Variants in OPA1 observed in about 807,000 individuals in gnomAD.
The protein encoded by OPA1 is dynamin-like GTPase OPA1, mitochondrial.
Under a neutral mutation model 152.9 loss-of-function variants are expected in OPA1, and 59 were observed. The observed-to-expected ratio is 0.39, with a 90% CI of 0.31 to 0.48. The LOEUF is 0.48. Among genes scored for constraint, OPA1 ranks in the 20% least tolerant of loss-of-function variants. The probability of loss-of-function intolerance (pLI) is 0.96; values close to 1 mark genes in which losing one functional copy is unlikely to be tolerated. For synonymous variants in OPA1, 400 were observed against 389.9 expected (o/e 1.03, Z -0.31); for missense variants, 1,008 against 1,216.8 (o/e 0.83, Z 2.55).
At chr3:193,620,618 C>A (rs951042145) in intron 6 of OPA1, among the ~76,000 whole-genome samples, 1 of 112,556 alleles carries the variant, frequency 8.9e-6, no homozygotes, top group Admixed American at 8.3e-5. Context: ...TAAAGACTTA[C>A]CAATTTTTTT....
chr3:193,675,813 T>C (rs910977045), intron 29 of OPA1, among the ~76,000 whole-genome samples: 1 of 152,248 alleles, frequency 6.6e-6, no homozygotes, highest in Non-Finnish European at 1.5e-5. Flanking sequence ...TTACATATTG[T>C]ACTGTACACA....
intron 1 of OPA1, among the ~76,000 whole-genome samples, chr3:193,598,854 G>A (rs1726017394): frequency 1.3e-5 from 2 of 152,224 alleles, no homozygotes; most frequent in Admixed American, 1.3e-4. Context: ...TGGAACCAGA[G>A]TTCTTCTGAC....
chr3:193,631,558 G>C, intron 7 of OPA1, 54 bp from the exon 8 acceptor site: 1 of 1,340,590 alleles, frequency 7.5e-7, no homozygotes, highest in Non-Finnish European at 1.1e-6. Flanking sequence ...TTAACTTGCT[G>C]TACATTCTGT....
At chr3:193,619,214 A>G (rs1412962464) in intron 6 of OPA1, among the ~76,000 whole-genome samples, 1 of 152,138 alleles carries the variant, frequency 6.6e-6, no homozygotes, top group African/African-American at 2.4e-5. Flanking sequence ...GTGGGGGGAG[A>G]AAGGCTCGTT....
chr3:193,686,359 C>CCTT (rs35361811), intron 29 of OPA1, among the ~76,000 whole-genome samples: 65,453 of 151,692 alleles, frequency 0.43, 14,331 homozygotes, highest in Non-Finnish European at 0.43. Context: ...ATTGATGCCT[C>CCTT]CTTCTGTAAC....
chr3:193,593,894 G>C (rs1436253075), intron 1 of OPA1, among the ~76,000 whole-genome samples: 1 of 151,994 alleles, frequency 6.6e-6, no homozygotes, highest in Non-Finnish European at 1.5e-5. Context: ...ATCGGGGAAA[G>C]GGGCGTCCGT....
At chr3:193,667,479 G>T (rs774697077) in intron 29 of OPA1, 199 bp downstream of exon 29, 6 of 604,362 alleles carry the variant, frequency 9.9e-6, no homozygotes, top group Admixed American at 2.2e-5. Context: ...GACCATCCTG[G>T]CTAACACAGT....
intron 6 of OPA1, chr3:193,624,268 C>T (rs1730662965): frequency 1.3e-5 from 2 of 152,184 alleles, no homozygotes; most frequent in South Asian, 2.1e-4. Flanking sequence ...CTACTCTTTG[C>T]CCCCTTCTCA....
chr3:193,634,799 C>CA (rs1732691784), intron 8 of OPA1, among the ~76,000 whole-genome samples: 1 of 152,174 alleles, frequency 6.6e-6, no homozygotes, highest in Admixed American at 6.5e-5. Context: ...GCCCTCTATT[C>CA]AAAACCCTGC....
chr3:193,687,091 C>G (rs1429339947), intron 29 of OPA1, among the ~76,000 whole-genome samples: 2 of 152,046 alleles, frequency 1.3e-5, no homozygotes, highest in Non-Finnish European at 2.9e-5. Context: ...ACAGATTAGT[C>G]TATATTTGAG....
At chr3:193,619,935 T>C (rs1729739587) in intron 6 of OPA1, among the ~76,000 whole-genome samples, 1 of 152,196 alleles carries the variant, frequency 6.6e-6, no homozygotes, top group African/African-American at 2.4e-5. Context: ...TTTTGCCTTT[T>C]AATTTTATCT....
chr3:193,619,456 A>T (rs1219813141), intron 6 of OPA1: 1 of 154,204 alleles, frequency 6.5e-6, no homozygotes, highest in Admixed American at 6.4e-5. Context: ...CCTGATATTG[A>T]TAGTTAACAA....
rs370497041 is a variant in OPA1, at chr3:193,600,005, G to C, written c.32+6596G>C. Reference sequence around the variant, plus strand: ...GTCTATGAGTGGTTGAAGTATGGCCGCTGGGATTGGCCAACACTCAGCTGT... The same window carrying C: ...GTCTATGAGTGGTTGAAGTATGGCCCCTGGGATTGGCCAACACTCAGCTGT... On this transcript the variant is annotated intron_variant, in intron 1 of 30. Coordinates refer to ENST00000361510, the MANE Select transcript of OPA1 (RefSeq NM_130837.3). Among the ~76,000 whole-genome samples the C allele has an allele frequency of 7.0e-4, 106 of 152,302 alleles. 1 individual carries two copies. The highest frequency in any genetic ancestry group is 2.4e-3 in the African/African-American group (99 of 41,566).
At chr3:193,612,934 A>AT (rs978472951) in intron 1 of OPA1, among the ~76,000 whole-genome samples, 1 of 152,194 alleles carries the variant, frequency 6.6e-6, no homozygotes, top group African/African-American at 2.4e-5. Context: ...AAACTCACCC[A>AT]TGACCTCCAG....
At chr3:193,679,341 C>T (rs1219532868) in intron 29 of OPA1, among the ~76,000 whole-genome samples, 5 of 152,028 alleles carry the variant, frequency 3.3e-5, no homozygotes, top group African/African-American at 1.2e-4. Flanking sequence ...AAAATGCTTC[C>T]ATGTAACTGC....
At chr3:193,688,309 G>A (rs189281103) in intron 29 of OPA1, among the ~76,000 whole-genome samples, 29 of 152,072 alleles carry the variant, frequency 1.9e-4, no homozygotes, top group Admixed American at 3.9e-4. Context: ...CCAAGTGTGC[G>A]TCAATTTAGT....
intron 1 of OPA1, among the ~76,000 whole-genome samples, chr3:193,599,850 C>T (rs1726192288): frequency 6.6e-6 from 1 of 152,154 alleles, no homozygotes; most frequent in Non-Finnish European, 1.5e-5. Context: ...AGGGGTGCCT[C>T]GTGGTCAGAA....
chr3:193,666,304 C>T lies in OPA1; in HGVS notation c.2787C>T (p.Cys929=), dbSNP rs1716527148. ...GTTACTTAATATTTCAGTTGGAATG[C>T]AATGATGTGGTCTTGTTTTGGCGTA... The part of the protein sequence containing the change: ...QRHFVDSELE[C]NDVVLFWRIQ... Residue 929 remains cysteine (C), a synonymous_variant, in exon 28 of 31, where the codon TGC becomes TGT. Coordinates refer to ENST00000361510, the MANE Select transcript of OPA1 (RefSeq NM_130837.3). 6.2e-7 allele frequency: 1 copy of T among 1,613,582 alleles called. No individual in the cohort carries two copies. Among genetic ancestry groups the T allele is most frequent in the African/African-American group, 1.3e-5 (1 of 74,918 alleles).
At chr3:193,672,501 G>A (rs1197687274) in intron 29 of OPA1, among the ~76,000 whole-genome samples, 2 of 152,168 alleles carry the variant, frequency 1.3e-5, no homozygotes, top group East Asian at 3.8e-4. Context: ...TTTATTCTCT[G>A]TGCGTGTAAT....
Sources: gnomAD v4.1 joint callset for allele counts (sites outside exome capture counted in the v4.1 genomes callset) on GRCh38, gnomAD v4.1.1 for gene constraint, MANE v1.5 for transcripts, NCBI Gene and HGNC (gene_info 2026-07-23, HGNC 2026-07-21) for gene names.